STUM: variants seen among roughly 807,000 people sequenced by gnomAD.
STUM encodes protein stum homolog.
Under a neutral mutation model 15.3 loss-of-function variants are expected in STUM, and 8 were observed. That is an observed-to-expected ratio of 0.52 (90% CI 0.31 to 0.94). The LOEUF is 0.94. Ranked by LOEUF, STUM falls within the 40% of genes least tolerant of loss-of-function variation. The probability of loss-of-function intolerance (pLI) is 0.05; values close to 1 mark genes in which losing one functional copy is unlikely to be tolerated. For missense variants in STUM, 142 were observed against 204.9 expected, an observed-to-expected ratio of 0.69 and a Z score of 1.87; for synonymous variants, 78 against 88.7, an observed-to-expected ratio of 0.88 and a Z score of 0.68.
Position 226,603,898 on chromosome 1 carries a change from C to T in STUM, c.*1858C>T, listed in dbSNP as rs1266772582. On this transcript the variant is annotated 3_prime_UTR_variant, in exon 4 of 4. Transcript: ENST00000366788. ...CCTCTGTATCTTCAAGGTGTGGGAA[C>T]AGATTTGGTTTTCTCTAAAAAGCTA... 1 of 152,404 alleles carries T rather than the reference C, an allele frequency of 6.6e-6. No homozygotes were observed. Among genetic ancestry groups the T allele is most frequent in the Non-Finnish European group, 1.5e-5 (1 of 68,174 alleles). 9.4% of individuals were successfully genotyped at this position (152,404 alleles called of 1,614,324 possible).
At chr1:226,580,503 G>A (rs1184314521) in intron 1 of STUM, among the ~76,000 whole-genome samples, 1 of 152,032 alleles carries the variant, frequency 6.6e-6, no homozygotes, top group Admixed American at 6.6e-5. Context: ...GTTGATGAGG[G>A]GGAGGGCAGA....
intron 1 of STUM, among the ~76,000 whole-genome samples, chr1:226,593,369 C>T (rs1668121117): frequency 6.6e-6 from 1 of 152,062 alleles, no homozygotes; most frequent in South Asian, 2.1e-4. Context: ...CCCTCTTCAT[C>T]CCCATCACCT....
intron 3 of STUM, among the ~76,000 whole-genome samples, chr1:226,601,087 G>A (rs1668254860): frequency 6.6e-6 from 1 of 152,126 alleles, no homozygotes; most frequent in South Asian, 2.1e-4. Flanking sequence ...TTCTGCTCAT[G>A]TAATAGCAGC....
chr1:226,569,020 G>A (rs949076664), intron 1 of STUM, among the ~76,000 whole-genome samples: 20 of 100,536 alleles, frequency 2.0e-4, no homozygotes, highest in Admixed American at 6.0e-4. Flanking sequence ...GTGCCCACAC[G>A]TGCATGCTTC....
At chr1:226,553,406 C>T (rs779699417) in intron 1 of STUM, among the ~76,000 whole-genome samples, 2 of 152,032 alleles carry the variant, frequency 1.3e-5, no homozygotes, top group Non-Finnish European at 2.9e-5. Flanking sequence ...AAGAGCCATG[C>T]AAAAGCATTA....
chr1:226,550,006 C>G (rs770122870), intron 1 of STUM, among the ~76,000 whole-genome samples: 5 of 152,184 alleles, frequency 3.3e-5, no homozygotes, highest in Non-Finnish European at 7.4e-5. Flanking sequence ...CTCCCCTCCT[C>G]CAGCTTGGCA....
chr1:226,585,896 A>C (rs1479087672), intron 1 of STUM, among the ~76,000 whole-genome samples: 1 of 152,254 alleles, frequency 6.6e-6, no homozygotes, highest in East Asian at 1.9e-4. Flanking sequence ...TATTTCTTAC[A>C]GTTTTGGAAG....
In STUM at chr1:226,588,994, C is replaced by T. The variant is rs542373006; in HGVS notation, c.203-7808C>T. Among the ~76,000 whole-genome samples, 53 of 152,340 alleles carry T rather than the reference C, an allele frequency of 3.5e-4. 1 individual carries two copies. The South Asian group carries it at 7.0e-3, about 20-fold the overall frequency. On this transcript the variant is annotated intron_variant, in intron 1 of 3. Coordinates refer to ENST00000366788, the MANE Select transcript of STUM (RefSeq NM_001003665.4). ...GGTGTCCAGGTGTAAACCACAGCCA[C>T]TGAGGAGCAGCACATCATAATGACT...
intron 1 of STUM, among the ~76,000 whole-genome samples, chr1:226,558,100 A>G (rs1454729895): frequency 6.6e-6 from 1 of 152,318 alleles, no homozygotes; most frequent in African/African-American, 2.4e-5. Flanking sequence ...CACTTTTGCC[A>G]CTTCTATTCA....
intron 1 of STUM, among the ~76,000 whole-genome samples, chr1:226,554,157 G>A (rs913659506): frequency 7.2e-5 from 11 of 152,198 alleles, no homozygotes; most frequent in Non-Finnish European, 1.5e-5. Flanking sequence ...GTGAAGTTCT[G>A]ACATTGTTCT....
chr1:226,599,714 C>T (rs1668236726), intron 2 of STUM, among the ~76,000 whole-genome samples: 1 of 152,182 alleles, frequency 6.6e-6, no homozygotes, highest in African/African-American at 2.4e-5. Context: ...ATATGAATAA[C>T]AACAAATAAC....
chr1:226,556,147 A>C lies in STUM; in HGVS notation c.202+7041A>C, dbSNP rs546399564. On this transcript the variant is annotated intron_variant, in intron 1 of 3. Coordinates refer to ENST00000366788, the MANE Select transcript of STUM (RefSeq NM_001003665.4). ...ATCCGAATTCCTTCTGAGAAATGGC[A>C]AGGGACCCAGCTGCCATGGGAGTGG... Among the ~76,000 whole-genome samples the C allele has an allele frequency of 2.6e-5, 4 of 152,356 alleles. No homozygotes were observed. In the East Asian group the frequency reaches 5.8e-4, roughly 22 times the overall value.
intron 1 of STUM, among the ~76,000 whole-genome samples, chr1:226,570,655 C>T (rs1313873757): frequency 6.6e-6 from 1 of 152,188 alleles, no homozygotes; most frequent in Non-Finnish European, 1.5e-5. Flanking sequence ...CCTCTTTGAG[C>T]TCCCTGCTTC....
intron 1 of STUM, among the ~76,000 whole-genome samples, chr1:226,586,333 C>T (rs1151807): frequency 5.1e-4 from 77 of 152,212 alleles, no homozygotes; most frequent in African/African-American, 1.7e-3. Flanking sequence ...ACTGGGCTGC[C>T]GAACGCTTGG....
chr1:226,555,225 A>G (rs749904262), intron 1 of STUM, among the ~76,000 whole-genome samples: 1 of 152,166 alleles, frequency 6.6e-6, no homozygotes, highest in Admixed American at 6.5e-5. Flanking sequence ...TCACACCCGC[A>G]GTGATCTTGC....
In STUM at chr1:226,602,170, A is replaced by T. The variant is rs999432237; in HGVS notation, c.*130A>T. The T allele has an allele frequency of 4.3e-5, 29 of 671,850 alleles. No individual in the cohort carries two copies. The highest frequency in any genetic ancestry group is 4.0e-4 in the African/African-American group (22 of 54,928). 41.6% of individuals were successfully genotyped at this position (671,850 alleles called of 1,614,324 possible). Reference sequence around the variant, plus strand: ...CTGGGGGTGGAAAGGGGGTATTTTTAAAAATATTATTTATTTTGAAAACGC... The same window carrying T: ...CTGGGGGTGGAAAGGGGGTATTTTTTAAAATATTATTTATTTTGAAAACGC... On this transcript the variant is annotated 3_prime_UTR_variant, in exon 4 of 4. Coordinates refer to ENST00000366788, the MANE Select transcript of STUM (RefSeq NM_001003665.4).
chr1:226,584,018 A>C (rs934498839), intron 1 of STUM, among the ~76,000 whole-genome samples: 1 of 152,076 alleles, frequency 6.6e-6, no homozygotes, highest in Non-Finnish European at 1.5e-5. Context: ...GAAAAAAAAA[A>C]CCATTGTGTT....
chr1:226,559,517 C>G (rs1369636157), intron 1 of STUM, among the ~76,000 whole-genome samples: 2 of 152,162 alleles, frequency 1.3e-5, no homozygotes, highest in African/African-American at 4.8e-5. Flanking sequence ...TTAATGAAGA[C>G]CTGGTGAGGA....
intron 1 of STUM, among the ~76,000 whole-genome samples, chr1:226,564,462 T>C (rs535642044): frequency 6.6e-6 from 1 of 152,186 alleles, no homozygotes; most frequent in East Asian, 1.9e-4. Flanking sequence ...CCACCAATCA[T>C]GGGGGGAAAA....
Sources: allele counts gnomAD v4.1 joint callset (sites outside exome capture counted in the v4.1 genomes callset), GRCh38; gene constraint gnomAD v4.1.1; transcripts MANE v1.5; gene names NCBI Gene and HGNC (gene_info 2026-07-23, HGNC 2026-07-21).